Variants in ABAT observed in about 807,000 individuals in gnomAD.
ABAT encodes the protein 4-aminobutyrate aminotransferase.
ABAT carries 45 observed loss-of-function variants against 64.6 expected under a neutral mutation model. The ratio of observed to expected loss-of-function variants is 0.70; its 90% CI spans 0.55 to 0.89. The LOEUF (loss-of-function observed/expected upper bound fraction) is 0.89, where lower values mean the gene tolerates loss of function less well. Ranked by LOEUF, ABAT falls within the 40% of genes least tolerant of loss-of-function variation. The pLI, the probability that ABAT is intolerant of heterozygous loss-of-function variation, is 0.00. For missense variants in ABAT, 633 were observed against 658.4 expected (o/e 0.96, Z 0.42); for synonymous variants, 297 against 250.5 (o/e 1.19, Z -1.75).
intron 11 of ABAT, among the ~76,000 whole-genome samples, chr16:8,771,292 T>C (rs552661906): frequency 4.1e-5 from 6 of 145,954 alleles, no homozygotes; most frequent in African/African-American, 1.5e-4. Flanking sequence ...TAAAACTCCA[T>C]CTCAAAAAAA....
intron 1 of ABAT, among the ~76,000 whole-genome samples, chr16:8,725,408 T>C (rs1361476630): frequency 6.6e-6 from 1 of 152,176 alleles, no homozygotes; most frequent in Non-Finnish European, 1.5e-5. Context: ...CCCTGATTTA[T>C]TTTCTGTCTT....
intron 6 of ABAT, among the ~76,000 whole-genome samples, chr16:8,761,214 CTG>C (rs1240169977): frequency 2.3e-4 from 32 of 142,036 alleles, no homozygotes; most frequent in East Asian, 7.4e-4. Context: ...TCACCTCTCT[CTG>C]CCCTCTCACC....
At chr16:8,695,996 G>A (rs1308515316) in intron 1 of ABAT, among the ~76,000 whole-genome samples, 2 of 152,222 alleles carry the variant, frequency 1.3e-5, no homozygotes, top group Non-Finnish European at 2.9e-5. Context: ...TCTTAGACAA[G>A]AAGGCGTCCA....
At chr16:8,707,082 C>G (rs2057962499) in intron 1 of ABAT, among the ~76,000 whole-genome samples, 1 of 152,094 alleles carries the variant, frequency 6.6e-6, no homozygotes, top group African/African-American at 2.4e-5. Context: ...AGGCTGGGAG[C>G]CACCACTGAG....
intron 1 of ABAT, among the ~76,000 whole-genome samples, chr16:8,687,457 C>T (rs1596399312): frequency 6.8e-6 from 1 of 147,854 alleles, no homozygotes; most frequent in South Asian, 2.2e-4. Flanking sequence ...ACCAGGGAGT[C>T]GGAGGTTGCA....
At chr16:8,726,406 A>G (rs962053263) in intron 1 of ABAT, among the ~76,000 whole-genome samples, 3 of 151,928 alleles carry the variant, frequency 2.0e-5, no homozygotes, top group Admixed American at 6.6e-5. Flanking sequence ...GACTACAGGC[A>G]TGGGTCACCA....
chr16:8,776,217 C>A lies in ABAT; in HGVS notation c.1123-127C>A. 7.6e-7 allele frequency: 1 copy of A among 1,309,346 alleles called. No homozygotes were observed. Among genetic ancestry groups the A allele is most frequent in the Non-Finnish European group, 1.1e-6 (1 of 920,472 alleles). The allele number at this position is 1,309,346 out of a possible 1,614,324, so 81.1% of individuals were successfully genotyped here. On this transcript the variant is annotated intron_variant, in intron 13 of 15. Coordinates refer to ENST00000268251, the MANE Select transcript of ABAT (RefSeq NM_020686.6). The surrounding 1 kb of genome is among the most constrained non-coding windows in gnomAD (Gnocchi z 4.4). ...GAGATTGGGTGTGTTCCCCTGCCAGCCTCTGGTAGATGCCCACTAGATTAG... is the reference window on the plus strand; with the variant it reads ...GAGATTGGGTGTGTTCCCCTGCCAGACTCTGGTAGATGCCCACTAGATTAG...
intron 4 of ABAT, among the ~76,000 whole-genome samples, chr16:8,749,657 A>C (rs1046586894): frequency 1.9e-4 from 29 of 151,526 alleles, no homozygotes; most frequent in African/African-American, 7.0e-4. Flanking sequence ...CAGCTTCCCA[A>C]AGTGCTGGGA....
chr16:8,752,710 T>G (rs2059523960), intron 5 of ABAT, among the ~76,000 whole-genome samples: 1 of 152,088 alleles, frequency 6.6e-6, no homozygotes, highest in Non-Finnish European at 1.5e-5. Flanking sequence ...GAGGCTGCAG[T>G]GGGCTATGAT....
chr16:8,680,150 G>T (rs1270430114), intron 1 of ABAT, among the ~76,000 whole-genome samples: 1 of 151,568 alleles, frequency 6.6e-6, no homozygotes, highest in Non-Finnish European at 1.5e-5. Context: ...CCACATCCTA[G>T]ACTTCCTGGG....
chr16:8,719,642 A>T (rs1336046482), intron 1 of ABAT, among the ~76,000 whole-genome samples: 2 of 152,288 alleles, frequency 1.3e-5, no homozygotes, highest in African/African-American at 4.8e-5. Context: ...ATGTGCCAAT[A>T]GTCTTTAGCA....
intron 1 of ABAT, among the ~76,000 whole-genome samples, chr16:8,699,579 T>TAAAAC (rs2057774835): frequency 6.6e-6 from 1 of 151,376 alleles, no homozygotes; most frequent in South Asian, 2.1e-4. Flanking sequence ...TAAAATAAAA[T>TAAAAC]AAAACAGGAC....
At chr16:8,773,252 A>G (rs1435631967) in intron 12 of ABAT, among the ~76,000 whole-genome samples, 1 of 151,914 alleles carries the variant, frequency 6.6e-6, no homozygotes, top group Non-Finnish European at 1.5e-5. Context: ...CCCAGGTTCA[A>G]GTGATTCTCC....
At chr16:8,757,191 A>T in intron 5 of ABAT, 1 of 421,482 alleles carries the variant, frequency 2.4e-6, no homozygotes, top group South Asian at 1.7e-5. Flanking sequence ...ATTTATTTAA[A>T]TAGAGTCTCA....
At chr16:8,713,031 G>C (rs944689739) in intron 1 of ABAT, 1 of 152,218 alleles carries the variant, frequency 6.6e-6, no homozygotes. Flanking sequence ...CCCAGCATGG[G>C]CTACAATGGG....
intron 11 of ABAT, among the ~76,000 whole-genome samples, chr16:8,772,348 T>A (rs1345164478): frequency 6.6e-6 from 1 of 151,842 alleles, no homozygotes; most frequent in Non-Finnish European, 1.5e-5. Flanking sequence ...GTGATGTAGC[T>A]ATTTCCCACA....
At chr16:8,763,108 A>C (rs917315209) in intron 6 of ABAT, among the ~76,000 whole-genome samples, 19 of 150,528 alleles carry the variant, frequency 1.3e-4, no homozygotes, top group South Asian at 4.2e-4. Flanking sequence ...CTGTAACAAA[A>C]AAAAAAAAAA....
At position 8,781,478 on chromosome 16, in the gene ABAT, C is replaced by T. The variant is rs2060438480; in HGVS notation, c.*48C>T. 1.3e-6 allele frequency: 2 copies of T among 1,589,950 alleles called. No individual in the cohort carries two copies. Among genetic ancestry groups the T allele is most frequent in the Non-Finnish European group, 1.7e-6 (2 of 1,164,394 alleles). ...AGAAAGCCCGGATCCCAACAGTTGT[C>T]AAATTGATTAGTTTGCCTAATTCAT... On this transcript the variant is annotated 3_prime_UTR_variant, in exon 16 of 16. Coordinates refer to ENST00000268251, the MANE Select transcript of ABAT (RefSeq NM_020686.6). This position sits in a 1 kb window ranked among gnomAD's most constrained non-coding sequence, Gnocchi z 4.5.
intron 1 of ABAT, among the ~76,000 whole-genome samples, chr16:8,728,342 A>T (rs1640989): frequency 0.62 from 94,988 of 152,054 alleles, 30,204 homozygotes; most frequent in Admixed American, 0.7. Flanking sequence ...AACGTGTGGG[A>T]TTGGCTCTCA....
Sources: gnomAD v4.1 joint callset for allele counts (sites outside exome capture counted in the v4.1 genomes callset) on GRCh38, gnomAD v4.1.1 for gene constraint, Gnocchi (gnomAD v3.1) non-coding constraint, MANE v1.5 for transcripts, NCBI Gene and HGNC (gene_info 2026-07-23, HGNC 2026-07-21) for gene names.